The following ELFN1 variants were observed in gnomAD, a reference collection of about 807,000 sequenced individuals.
ELFN1 encodes the protein extracellular leucine rich repeat and fibronectin type III domain containing 1.
Under a neutral mutation model 7.6 loss-of-function variants are expected in ELFN1, and 6 were observed. The observed-to-expected ratio is 0.79, with a 90% CI of 0.43 to 1.56. The LOEUF (loss-of-function observed/expected upper bound fraction) is 1.56. Ranked by LOEUF, ELFN1 falls within the 40% of genes most tolerant of loss-of-function variation. ELFN1 has a pLI of 0.01. For missense variants in ELFN1, 1,169 were observed against 1,232.2 expected (o/e 0.95, Z 0.77); for synonymous variants, 657 against 588.1 (o/e 1.12, Z -1.70).
intron 3 of ELFN1, among the ~76,000 whole-genome samples, chr7:1,737,550 C>T (rs922663208): frequency 6.6e-6 from 1 of 152,204 alleles, no homozygotes; most frequent in Non-Finnish European, 1.5e-5. Context: ...TCGGGAAGGT[C>T]AAATGTGCTT....
chr7:1,694,514 T>C (rs1475848828), intron 2 of ELFN1, among the ~76,000 whole-genome samples: 1 of 152,134 alleles, frequency 6.6e-6, no homozygotes, highest in East Asian at 1.9e-4. Context: ...CCAGGCCTTC[T>C]AGAAAGATAG....
intron 3 of ELFN1, among the ~76,000 whole-genome samples, chr7:1,743,576 T>C (rs991935746): frequency 6.6e-6 from 1 of 152,076 alleles, no homozygotes; most frequent in Non-Finnish European, 1.5e-5. Context: ...GGGCACAGCG[T>C]GCCAGGGACA....
chr7:1,744,496 C>T lies in ELFN1; in HGVS notation c.-101C>T, dbSNP rs1780718227. 7 of 1,326,916 alleles carry T rather than the reference C, an allele frequency of 5.3e-6. No individual in the cohort carries two copies. The South Asian group carries it at 9.4e-5, about 18-fold the overall frequency. 82.2% of individuals were successfully genotyped at this position (1,326,916 alleles called of 1,614,324 possible). ...CAGGACACCCCTGAGAGTGCAGGCA[C>T]CTCCCCCTCCCGCCCCTCCATCCCT... On this transcript the variant is annotated 5_prime_UTR_variant, in exon 4 of 4. Coordinates refer to ENST00000424383, the MANE Select transcript of ELFN1 (RefSeq NM_001128636.4).
At chr7:1,731,024 C>T (rs998605625) in intron 3 of ELFN1, among the ~76,000 whole-genome samples, 6 of 152,252 alleles carry the variant, frequency 3.9e-5, no homozygotes, top group South Asian at 4.1e-4. Context: ...AACAGCTAGT[C>T]GAGACACATA....
intron 1 of ELFN1, among the ~76,000 whole-genome samples, chr7:1,672,929 C>T (rs1391126591): frequency 6.6e-6 from 1 of 151,048 alleles, no homozygotes; most frequent in African/African-American, 2.4e-5. Flanking sequence ...GGGCCGGTGG[C>T]GGGGCGGGGG....
In ELFN1 at chr7:1,740,722, C is replaced by T. The variant is rs371588874; in HGVS notation, c.-293-3582C>T. 2.6e-5 allele frequency among the ~76,000 whole-genome samples: 4 copies of T among 152,324 alleles called. No homozygotes were observed. The highest frequency in any genetic ancestry group is 4.4e-5 in the Non-Finnish European group (3 of 68,028). ...CACAGCACCTGTCCAGCCTCTCCCC[C>T]CCGGCCCCTGACAGGAGGCTGCACA... On this transcript the variant is annotated intron_variant, in intron 3 of 3. Transcript: ENST00000424383. This position sits in a 1 kb window ranked among gnomAD's most constrained non-coding sequence, Gnocchi z 5.0.
rs1301852393 is a variant in ELFN1, at chr7:1,719,382, A to T, written c.-294+10130A>T. Among the ~76,000 whole-genome samples, 7 of 140,260 alleles carry T rather than the reference A, an allele frequency of 5.0e-5. No homozygotes were observed. In the East Asian group the frequency reaches 6.5e-4, roughly 13 times the overall value. The allele number at this position is 140,260 out of a possible 152,430, so 92.0% of individuals were successfully genotyped here. ...GCCCACCAACAGGACCCAAGCCACC[A>T]ACAGGGCCTCGCCCACCAACAGGGC... On this transcript the variant is annotated intron_variant, in intron 3 of 3. Coordinates refer to ENST00000424383, the MANE Select transcript of ELFN1 (RefSeq NM_001128636.4).
chr7:1,709,526 G>A (rs1341700280), intron 3 of ELFN1, among the ~76,000 whole-genome samples: 1 of 152,240 alleles, frequency 6.6e-6, no homozygotes, highest in Admixed American at 6.5e-5. Context: ...TAAGTAGGTG[G>A]TGGCCATACT....
chr7:1,724,710 C>G (rs909769780), intron 3 of ELFN1, among the ~76,000 whole-genome samples: 7 of 143,888 alleles, frequency 4.9e-5, no homozygotes, highest in Non-Finnish European at 1.0e-4. Context: ...GAACGCGACT[C>G]CCCCCAGGGC....
chr7:1,698,131 G>A (rs776011425), intron 2 of ELFN1, among the ~76,000 whole-genome samples: 1 of 151,986 alleles, frequency 6.6e-6, no homozygotes, highest in African/African-American at 2.4e-5. Context: ...TTTTTTCATA[G>A]GATGCCTACA....
rs1031149882 is a variant in ELFN1 at position 1,744,606 on chromosome 7, C to T, written c.10C>T (p.Arg4Cys). The change falls in exon 4 of 4, where the codon CGT becomes TGT. Residue 4 changes from arginine (R) to cysteine (C), a missense_variant. Physicochemically the swap from Arg to Cys is radical, Grantham distance 180. This residue lies in a region of ELFN1 where 255 missense variants were observed against 359.6 expected (regional missense o/e 0.71). Transcript: ENST00000424383. MAG[R>C]GWGALWVCVA... The stretch of plus-strand genomic sequence containing the variant: ...CTGCAGGGCGGTCCCGATGGCCGGG[C>T]GTGGGTGGGGCGCGCTGTGGGTGTG... 63 of 1,528,076 alleles carry T rather than the reference C, an allele frequency of 4.1e-5. No homozygotes were observed. Among genetic ancestry groups the T allele is most frequent in the Non-Finnish European group, 2.3e-5 (26 of 1,137,670 alleles). 94.7% of individuals were successfully genotyped at this position (1,528,076 alleles called of 1,614,324 possible).
At chr7:1,666,131 G>A (rs1778667590), upstream of ELFN1, among the ~76,000 whole-genome samples, 1 of 152,134 alleles carries the variant, frequency 6.6e-6, no homozygotes, top group Middle Eastern at 3.4e-3. This position sits in a 1 kb window ranked among gnomAD's most constrained non-coding sequence, Gnocchi z 7.9. Context: ...CTGCTCGCCC[G>A]CGACAGTGCC....
Position 1,745,816 on chromosome 7 carries a change from G to T in ELFN1, c.1220G>T (p.Gly407Val). The T allele has an allele frequency of 1.3e-6, 2 of 1,568,040 alleles. No individual in the cohort carries two copies. The highest frequency in any genetic ancestry group is 2.3e-5 in the South Asian group (2 of 85,490). Residue 407 changes from glycine (G) to valine (V), a missense_variant, in exon 4 of 4, where the codon GGT becomes GTT. Around this residue, in one of 2 missense-constraint regions of ELFN1, gnomAD observed 914 missense variants for 872.6 expected, o/e 1.05. Coordinates refer to ENST00000424383, the MANE Select transcript of ELFN1 (RefSeq NM_001128636.4). ...ICLPRLPSPP[G>V]PVPSPSTATH... ...TTGCCCCGGCTGCCCAGCCCGCCTG[G>T]TCCGGTGCCCAGCCCCTCCACGGCC... is the stretch of plus-strand genomic sequence containing the variant.
intron 3 of ELFN1, among the ~76,000 whole-genome samples, chr7:1,720,761 C>G (rs1020949942): frequency 7.4e-6 from 1 of 135,024 alleles, no homozygotes. Flanking sequence ...GTACTTGGAT[C>G]TCTCTTCCAC....
At position 1,722,353 on chromosome 7, in the gene ELFN1, G is replaced by A. The variant is rs547883212; in HGVS notation, c.-294+13101G>A. The stretch of plus-strand genomic sequence containing the variant: ...GCGATCTCGGCTCACTGCAACCTCC[G>A]CCTCCTGGATTCAAGCGATTCTCCT... On this transcript the variant is annotated intron_variant, in intron 3 of 3. Coordinates refer to ENST00000424383, the MANE Select transcript of ELFN1 (RefSeq NM_001128636.4). Among the ~76,000 whole-genome samples the A allele has an allele frequency of 8.2e-5, 12 of 147,238 alleles. No homozygotes were observed. The East Asian group carries it at 2.0e-3, about 25-fold the overall frequency.
intron 1 of ELFN1, among the ~76,000 whole-genome samples, chr7:1,681,411 G>A (rs1053671794): frequency 1.3e-5 from 2 of 152,064 alleles, no homozygotes; most frequent in African/African-American, 4.8e-5. Context: ...CACCCAGGCT[G>A]GAGTGCACTG....
intron 3 of ELFN1, among the ~76,000 whole-genome samples, chr7:1,743,593 G>T (rs1295750731): frequency 1.3e-5 from 2 of 152,158 alleles, no homozygotes; most frequent in African/African-American, 4.8e-5. Flanking sequence ...GACACAGGGC[G>T]GGCGAGCTCA....
chr7:1,747,631 C>T lies in ELFN1; in HGVS notation c.*548C>T, dbSNP rs1017850585. 6.0e-6 allele frequency: 1 copy of T among 165,328 alleles called. No homozygotes were observed. Among genetic ancestry groups the T allele is most frequent in the African/African-American group, 2.4e-5 (1 of 41,430 alleles). 10.2% of individuals were successfully genotyped at this position (165,328 alleles called of 1,614,324 possible). On this transcript the variant is annotated 3_prime_UTR_variant, in exon 4 of 4. Transcript: ENST00000424383. ...TCTCTTCATTGCCGCCTCCGGAGTC[C>T]ACTGCAGAGGGGCAGAGTGAATGCC...
chr7:1,687,579 GA>G (rs1483857155), intron 1 of ELFN1, among the ~76,000 whole-genome samples: 2 of 151,934 alleles, frequency 1.3e-5, no homozygotes, highest in East Asian at 3.9e-4. Context: ...TAATTCTAAG[GA>G]AATAAAATAA....
Sources: allele counts gnomAD v4.1 joint callset (sites outside exome capture counted in the v4.1 genomes callset), GRCh38; gene constraint gnomAD v4.1.1; regional missense constraint gnomAD v4.1.1; non-coding constraint Gnocchi (gnomAD v3.1); transcripts MANE v1.5; gene names NCBI Gene and HGNC (gene_info 2026-07-23, HGNC 2026-07-21).